Variants in ADAMTS16 observed in about 807,000 individuals in gnomAD.
ADAMTS16 encodes A disintegrin and metalloproteinase with thrombospondin motifs 16.
In ADAMTS16, 94 loss-of-function variants were observed where a neutral mutation model predicts 145.8. That is an observed-to-expected ratio of 0.64 (90% CI 0.55 to 0.77). The LOEUF is 0.77. Among genes scored for constraint, ADAMTS16 ranks in the 30% least tolerant of loss-of-function variants. The pLI, the probability that ADAMTS16 is intolerant of heterozygous loss-of-function variation, is 0.00. For synonymous variants in ADAMTS16, 659 were observed against 604.3 expected (o/e 1.09, Z -1.33); for missense variants, 1,585 against 1,591.5 (o/e 1.00, Z 0.07).
intron 11 of ADAMTS16, among the ~76,000 whole-genome samples, chr5:5,232,157 G>C (rs1342481312): frequency 6.8e-6 from 1 of 146,054 alleles, no homozygotes; most frequent in African/African-American, 2.6e-5. Flanking sequence ...CCCTGTATGT[G>C]AATTTATAGG....
chr5:5,191,575 T>C (rs1411373101), intron 7 of ADAMTS16, 110 bp from the exon 8 acceptor site: 5 of 862,038 alleles, frequency 5.8e-6, no homozygotes, highest in Non-Finnish European at 7.4e-6. Context: ...TTTCATATTT[T>C]CCCATATGAA....
chr5:5,250,707 C>CTGTGTG (rs763835441), intron 17 of ADAMTS16, among the ~76,000 whole-genome samples: 1,566 of 148,658 alleles, frequency 0.011, 24 homozygotes, highest in African/African-American at 0.029. Flanking sequence ...TGTCTCTTCT[C>CTGTGTG]TCTGTGTGTG....
intron 10 of ADAMTS16, among the ~76,000 whole-genome samples, chr5:5,213,679 C>T (rs986307244): frequency 6.6e-6 from 1 of 152,124 alleles, no homozygotes; most frequent in African/African-American, 2.4e-5. Flanking sequence ...GTGGTTCTTC[C>T]CCATGAGGCA....
chr5:5,250,169 G>A lies in ADAMTS16; in HGVS notation c.2662+7978G>A, dbSNP rs146791856. 3.2e-3 allele frequency among the ~76,000 whole-genome samples: 487 copies of A among 152,278 alleles called. 4 individuals are homozygous for A. Among genetic ancestry groups the A allele is most frequent in the African/African-American group, 0.011 (441 of 41,564 alleles). On this transcript the variant is annotated intron_variant, in intron 17 of 22. Coordinates refer to ENST00000274181, the MANE Select transcript of ADAMTS16 (RefSeq NM_139056.4). ...AAAACAGGAAGAGTTCTCACTTTGCGCTGTGGGTCCAGGCTTAAGGGTGGA... is the reference window on the plus strand; with the variant it reads ...AAAACAGGAAGAGTTCTCACTTTGCACTGTGGGTCCAGGCTTAAGGGTGGA...
chr5:5,253,061 T>G (rs890520763), intron 17 of ADAMTS16, among the ~76,000 whole-genome samples: 1 of 152,234 alleles, frequency 6.6e-6, no homozygotes, highest in African/African-American at 2.4e-5. Flanking sequence ...TAAACTCTTC[T>G]TTCTCCTACT....
intron 21 of ADAMTS16, among the ~76,000 whole-genome samples, chr5:5,308,473 G>A (rs1740277914): frequency 6.6e-6 from 1 of 152,194 alleles, no homozygotes; most frequent in African/African-American, 2.4e-5. Flanking sequence ...TGTACCAGGT[G>A]TTGCTGTGAG....
chr5:5,273,882 C>A (rs1299614521), intron 18 of ADAMTS16, among the ~76,000 whole-genome samples: 2 of 152,150 alleles, frequency 1.3e-5, no homozygotes, highest in Non-Finnish European at 2.9e-5. Context: ...AGTGGGGATA[C>A]AACATTAACT....
At chr5:5,156,136 T>C (rs1211325983) in intron 3 of ADAMTS16, among the ~76,000 whole-genome samples, 1 of 152,136 alleles carries the variant, frequency 6.6e-6, no homozygotes, top group South Asian at 2.1e-4. Flanking sequence ...AGAGAGCAGG[T>C]GGCAAAGCAG....
At chr5:5,302,081 C>T (rs1041665059) in intron 18 of ADAMTS16, among the ~76,000 whole-genome samples, 10 of 152,248 alleles carry the variant, frequency 6.6e-5, no homozygotes, top group South Asian at 2.1e-4. Flanking sequence ...CCTGTTATGG[C>T]GCCATGTTTC....
At chr5:5,291,556 AT>A (rs1739317306) in intron 18 of ADAMTS16, among the ~76,000 whole-genome samples, 3 of 152,286 alleles carry the variant, frequency 2.0e-5, no homozygotes, top group African/African-American at 7.2e-5. Flanking sequence ...GAATGGAGAC[AT>A]TGGTGTCCCG....
intron 18 of ADAMTS16, among the ~76,000 whole-genome samples, chr5:5,295,689 A>G (rs1352955903): frequency 6.6e-6 from 1 of 152,276 alleles, no homozygotes; most frequent in Non-Finnish European, 1.5e-5. Flanking sequence ...GGAGGAGCCC[A>G]TCCAGGCAGC....
chr5:5,318,992 C>T (rs747603957), intron 22 of ADAMTS16, 31 bp from the exon 23 acceptor site: 19 of 1,515,848 alleles, frequency 1.3e-5, no homozygotes, highest in Admixed American at 3.5e-5. Context: ...CACTCGGGAT[C>T]GCTGAGTAAT....
chr5:5,261,820 A>G (rs1738045672), intron 17 of ADAMTS16, among the ~76,000 whole-genome samples: 1 of 152,150 alleles, frequency 6.6e-6, no homozygotes, highest in Non-Finnish European at 1.5e-5. Context: ...ACATTTTACT[A>G]CTATTAAGTA....
intron 11 of ADAMTS16, among the ~76,000 whole-genome samples, chr5:5,225,133 G>T (rs913385894): frequency 6.6e-6 from 1 of 152,126 alleles, no homozygotes; most frequent in Non-Finnish European, 1.5e-5. Context: ...TGGCTGTTCA[G>T]TGGCCAGTGT....
chr5:5,166,566 A>G (rs1000696709), intron 3 of ADAMTS16, among the ~76,000 whole-genome samples: 28 of 152,194 alleles, frequency 1.8e-4, no homozygotes, highest in Admixed American at 1.8e-3. Flanking sequence ...ACAACGCTGC[A>G]AAGTTGTCAG....
intron 3 of ADAMTS16, among the ~76,000 whole-genome samples, chr5:5,170,915 A>G (rs1735026788): frequency 6.6e-6 from 1 of 152,126 alleles, no homozygotes; most frequent in Admixed American, 6.5e-5. Flanking sequence ...CTTATGAGGT[A>G]TATTCAATAA....
chr5:5,150,139 A>G (rs898727844), intron 3 of ADAMTS16, among the ~76,000 whole-genome samples: 12 of 152,220 alleles, frequency 7.9e-5, no homozygotes, highest in Non-Finnish European at 1.3e-4. Flanking sequence ...GTACCATTTT[A>G]TATTACCCTA....
chr5:5,224,813 T>A (rs889816978), intron 11 of ADAMTS16, among the ~76,000 whole-genome samples: 1 of 152,174 alleles, frequency 6.6e-6, no homozygotes, highest in African/African-American at 2.4e-5. Context: ...AGCTATTGCC[T>A]GCATGAAACA....
chr5:5,262,728 A>C lies in ADAMTS16; in HGVS notation c.2734A>C (p.Lys912Gln), dbSNP rs368500687. ...AGTAAATATGTCCTTCTGCAATCCC[A>C]AGACACGACCTGTCACGGGGCTGGT... ...FQVNMSFCNP[K>Q]TRPVTGLVPC... Residue 912 changes from lysine (K) to glutamine (Q), a missense_variant, in exon 18 of 23, where the codon AAG becomes CAG. By Grantham distance (53) the Lys-to-Gln change is moderately conservative (BLOSUM62 1). This residue lies in a region of ADAMTS16 where 834 missense variants were observed against 811.7 expected (regional missense o/e 1.03). Coordinates refer to ENST00000274181, the MANE Select transcript of ADAMTS16 (RefSeq NM_139056.4). 3 of 1,614,072 alleles carry C rather than the reference A, an allele frequency of 1.9e-6. No homozygotes were observed. The highest frequency in any genetic ancestry group is 2.5e-6 in the Non-Finnish European group (3 of 1,180,044).
Sources: allele counts gnomAD v4.1 joint callset (sites outside exome capture counted in the v4.1 genomes callset), GRCh38; gene constraint gnomAD v4.1.1; regional missense constraint gnomAD v4.1.1; transcripts MANE v1.5; gene names NCBI Gene and HGNC (gene_info 2026-07-23, HGNC 2026-07-21).